Variants in DRC1 observed in about 807,000 individuals in gnomAD.
DRC1 encodes dynein regulatory complex protein 1.
Under a neutral mutation model 98.7 loss-of-function variants are expected in DRC1, and 74 were observed. That is an observed-to-expected ratio of 0.75 (90% CI 0.62 to 0.91). The LOEUF (loss-of-function observed/expected upper bound fraction) is 0.91, where lower values mean the gene tolerates loss of function less well. DRC1 is among the 40% of genes least tolerant of loss of function. The pLI, the probability that DRC1 is intolerant of heterozygous loss-of-function variation, is 0.00. For missense variants in DRC1, 875 were observed against 886.0 expected (o/e 0.99, Z 0.16); for synonymous variants, 336 against 334.1 (o/e 1.01, Z -0.06).
Position 26,444,220 on chromosome 2 carries a change from A to G in DRC1, c.1029-2A>G. 6.2e-7 allele frequency: 1 copy of G among 1,614,120 alleles called. No homozygotes were observed. The highest frequency in any genetic ancestry group is 2.2e-5 in the East Asian group (1 of 44,890). On this transcript the variant is annotated splice_acceptor_variant, in intron 8 of 16. Transcript: ENST00000288710. LOFTEE classifies it high-confidence loss of function. ...AGACTAACCTTTTTCTCCTTCAACC[A>G]GCCTGCATGATATACTTAACAATCT...
chr2:26,403,131 T>A (rs1377539023), intron 1 of DRC1, among the ~76,000 whole-genome samples: 1 of 152,210 alleles, frequency 6.6e-6, no homozygotes, highest in African/African-American at 2.4e-5. Context: ...TAAACTTTAT[T>A]TTTTAGAGCA....
intron 1 of DRC1, among the ~76,000 whole-genome samples, chr2:26,407,771 C>G (rs982901567): frequency 6.6e-6 from 1 of 152,082 alleles, no homozygotes. Flanking sequence ...TGAGACTGCA[C>G]AGATCCTGGA....
chr2:26,408,464 A>G (rs1678493057), intron 1 of DRC1, among the ~76,000 whole-genome samples: 1 of 152,150 alleles, frequency 6.6e-6, no homozygotes, highest in South Asian at 2.1e-4. Flanking sequence ...ACCAGCCCCA[A>G]AAGAAGGATT....
chr2:26,413,266 A>T (rs1462675747), intron 1 of DRC1, among the ~76,000 whole-genome samples: 2 of 152,186 alleles, frequency 1.3e-5, no homozygotes, highest in Admixed American at 6.5e-5. Flanking sequence ...ATGTATGTAG[A>T]ATGTTTCCAT....
Position 26,454,564 on chromosome 2 carries a change from A to C in DRC1, c.1920-83A>C. ...TGAGTGGGAAGGTGACAGGTGGGAA[A>C]GCAGTAGGCCTGTGACTGGCACTGC... On this transcript the variant is annotated intron_variant, in intron 14 of 16. Transcript: ENST00000288710. The surrounding 1 kb of genome is among the most constrained non-coding windows in gnomAD (Gnocchi z 5.2). 1.9e-6 allele frequency: 3 copies of C among 1,557,672 alleles called. No homozygotes were observed. The Admixed American group carries it at 5.4e-5, about 28-fold the overall frequency.
Position 26,432,440 on chromosome 2 carries a change from A to G in DRC1, c.888+434A>G, listed in dbSNP as rs555933559. 5.1e-4 allele frequency among the ~76,000 whole-genome samples: 77 copies of G among 152,214 alleles called. No homozygotes were observed. In the East Asian group the frequency reaches 8.9e-3, roughly 18 times the overall value. ...CTTGAGCCCAGGAGTTTAAGGCTAT[A>G]GTGAGCTGTGATCATACCACTGCAC... On this transcript the variant is annotated intron_variant, in intron 7 of 16. Coordinates refer to ENST00000288710, the MANE Select transcript of DRC1 (RefSeq NM_145038.5).
chr2:26,408,388 G>A (rs1005443109), intron 1 of DRC1, among the ~76,000 whole-genome samples: 12 of 152,116 alleles, frequency 7.9e-5, no homozygotes, highest in Non-Finnish European at 1.2e-4. Context: ...ACCAGTTCCT[G>A]GAATGGTGGC....
Position 26,456,569 on chromosome 2 carries a change from T to G in DRC1, c.*52T>G. The G allele has an allele frequency of 6.2e-7, 1 of 1,607,866 alleles. No homozygotes were observed. The highest frequency in any genetic ancestry group is 8.5e-7 in the Non-Finnish European group (1 of 1,174,848). On this transcript the variant is annotated 3_prime_UTR_variant, in exon 17 of 17. Transcript: ENST00000288710. ...AGGGCTGGCCTGATGCTGGTGTCTG[T>G]GCCGGAGCCAGCTCATATCACCCAC...
At chr2:26,434,087 A>G (rs1469340003) in intron 7 of DRC1, among the ~76,000 whole-genome samples, 1 of 152,262 alleles carries the variant, frequency 6.6e-6, no homozygotes, top group Non-Finnish European at 1.5e-5. Context: ...GCAGCTCAAC[A>G]TCAAATTTGC....
chr2:26,455,943 G>A (rs1161036162), intron 16 of DRC1, among the ~76,000 whole-genome samples: 3 of 3,454 alleles, frequency 8.7e-4, no homozygotes, highest in East Asian at 0.067. Flanking sequence ...TTGCACACGT[G>A]TGAGGTGACT....
intron 5 of DRC1, 91 bp from the exon 6 acceptor site, chr2:26,430,695 T>G (rs1663411094): frequency 7.6e-7 from 1 of 1,313,418 alleles, no homozygotes; most frequent in Admixed American, 1.7e-5. Context: ...GTTGGTGATA[T>G]GGCACTTATA....
At chr2:26,417,286 C>G (rs1678839506) in intron 2 of DRC1, among the ~76,000 whole-genome samples, 1 of 151,570 alleles carries the variant, frequency 6.6e-6, no homozygotes, top group South Asian at 2.1e-4. Flanking sequence ...GGTAAGTTCT[C>G]TAACTGTGTT....
At chr2:26,444,167 A>C in intron 8 of DRC1, 55 bp from the exon 9 acceptor site, 2 of 1,609,278 alleles carry the variant, frequency 1.2e-6, no homozygotes, top group Non-Finnish European at 1.7e-6. Flanking sequence ...GATGAGAGGA[A>C]CATACATAAT....
intron 1 of DRC1, among the ~76,000 whole-genome samples, chr2:26,412,843 T>C (rs767551262): frequency 6.6e-6 from 1 of 152,188 alleles, no homozygotes. Context: ...AGTGGCGCTA[T>C]CTCGGCTCGG....
At chr2:26,413,749 T>C (rs549422823) in intron 1 of DRC1, among the ~76,000 whole-genome samples, 1 of 152,278 alleles carries the variant, frequency 6.6e-6, no homozygotes, top group South Asian at 2.1e-4. Flanking sequence ...CTTTTATCAG[T>C]TTATCCCTTG....
At chr2:26,440,060 T>C (rs1043778536) in intron 7 of DRC1, among the ~76,000 whole-genome samples, 5 of 150,428 alleles carry the variant, frequency 3.3e-5, no homozygotes, top group Non-Finnish European at 7.4e-5. Context: ...AGTTTATAAA[T>C]GTAGGAAAGT....
intron 7 of DRC1, among the ~76,000 whole-genome samples, chr2:26,437,168 C>T (rs1414150671): frequency 6.6e-6 from 1 of 152,154 alleles, no homozygotes; most frequent in Admixed American, 6.5e-5. Context: ...ATCATTGCAA[C>T]TTTGCAAGAA....
At chr2:26,448,040 T>A (rs1283141784) in intron 10 of DRC1, among the ~76,000 whole-genome samples, 1 of 150,632 alleles carries the variant, frequency 6.6e-6, no homozygotes. Flanking sequence ...GCCTGGCCAA[T>A]GTGGCAAAAC....
intron 7 of DRC1, among the ~76,000 whole-genome samples, chr2:26,433,632 A>G (rs532280074): frequency 6.6e-6 from 1 of 152,362 alleles, no homozygotes; most frequent in East Asian, 1.9e-4. Flanking sequence ...ATGGAATTTC[A>G]TGTCCTTAAT....
Sources: allele counts gnomAD v4.1 joint callset (sites outside exome capture counted in the v4.1 genomes callset), GRCh38; gene constraint gnomAD v4.1.1; non-coding constraint Gnocchi (gnomAD v3.1); transcripts MANE v1.5; gene names NCBI Gene and HGNC (gene_info 2026-07-23, HGNC 2026-07-21).